AUTS2: variants seen among roughly 807,000 people sequenced by gnomAD.
AUTS2 encodes the protein autism susceptibility gene 2 protein.
AUTS2 carries 17 observed loss-of-function variants against 112.4 expected under a neutral mutation model. The observed-to-expected ratio is 0.15, with a 90% CI of 0.10 to 0.23. AUTS2 has a LOEUF of 0.23. Among genes scored for constraint, AUTS2 ranks in the 10% least tolerant of loss-of-function variants. AUTS2 has a pLI of 1.00. For synonymous variants in AUTS2, 751 were observed against 702.7 expected (o/e 1.07, Z -1.09); for missense variants, 1,510 against 1,701.6 (o/e 0.89, Z 1.98).
Position 69,611,428 on chromosome 7 carries a change from T to G in AUTS2, c.309+11466T>G, listed in dbSNP as rs141909375. Among the ~76,000 whole-genome samples the G allele has an allele frequency of 7.9e-5, 12 of 152,356 alleles. No individual in the cohort carries two copies. The East Asian group carries it at 2.3e-3, about 29-fold the overall frequency. On this transcript the variant is annotated intron_variant, in intron 1 of 18. Transcript: ENST00000342771. ...GCTGTGTTAGACACTTGTGTTGTTT[T>G]AAAATGTTTTATTACTCTAATATAG...
chr7:70,742,109 G>A (rs1275743875), intron 6 of AUTS2, among the ~76,000 whole-genome samples: 1 of 152,226 alleles, frequency 6.6e-6, no homozygotes, highest in Non-Finnish European at 1.5e-5. Context: ...TGCTTGATCA[G>A]TAAAGCATCT....
chr7:69,888,540 G>GATATATATATATATATATATATATATAT (rs60804022), intron 1 of AUTS2, among the ~76,000 whole-genome samples: 1 of 99,252 alleles, frequency 1.0e-5, no homozygotes. Context: ...CAACATTGGG[G>GATATATATATATATATATATATATATAT]ATATATATAT....
At chr7:69,904,395 A>T (rs896630233) in intron 2 of AUTS2, among the ~76,000 whole-genome samples, 3 of 152,236 alleles carry the variant, frequency 2.0e-5, no homozygotes, top group Non-Finnish European at 4.4e-5. Flanking sequence ...GTTTCTGAAG[A>T]TCTGCTAATT....
At chr7:70,460,413 C>T (rs1471996912) in intron 5 of AUTS2, among the ~76,000 whole-genome samples, 2 of 139,574 alleles carry the variant, frequency 1.4e-5, no homozygotes, top group South Asian at 4.5e-4. Flanking sequence ...TGCAATGGCA[C>T]GATCTTGGCT....
At chr7:70,428,232 T>G (rs1012888367) in intron 4 of AUTS2, among the ~76,000 whole-genome samples, 3 of 152,088 alleles carry the variant, frequency 2.0e-5, no homozygotes, top group Admixed American at 1.3e-4. Context: ...AAAACCAATA[T>G]GAGAGCAATG....
intron 4 of AUTS2, among the ~76,000 whole-genome samples, chr7:70,339,657 G>T (rs1007029435): frequency 1.3e-5 from 2 of 152,212 alleles, no homozygotes; most frequent in Non-Finnish European, 2.9e-5. Context: ...GAGGATCCAA[G>T]ATTTTCTTCA....
At chr7:70,311,915 C>T (rs1206477694) in intron 4 of AUTS2, among the ~76,000 whole-genome samples, 4 of 152,228 alleles carry the variant, frequency 2.6e-5, no homozygotes, top group Non-Finnish European at 4.4e-5. Flanking sequence ...GGGGTTTCAC[C>T]GTGTTAGCCA....
chr7:69,803,318 C>T (rs1409868916), intron 1 of AUTS2, among the ~76,000 whole-genome samples: 1 of 152,184 alleles, frequency 6.6e-6, no homozygotes, highest in Non-Finnish European at 1.5e-5. Flanking sequence ...TCACTTGTCA[C>T]ATGTGGTCAC....
At chr7:69,776,665 TGCCTCA>T (rs1345067050) in intron 1 of AUTS2, among the ~76,000 whole-genome samples, 1 of 152,184 alleles carries the variant, frequency 6.6e-6, no homozygotes, top group Non-Finnish European at 1.5e-5. Flanking sequence ...GTAGTCCTTC[TGCCTCA>T]GCCTCCCAAA....
At chr7:69,825,265 C>T (rs1791188639) in intron 1 of AUTS2, among the ~76,000 whole-genome samples, 1 of 152,066 alleles carries the variant, frequency 6.6e-6, no homozygotes, top group Non-Finnish European at 1.5e-5. Context: ...GGTTCTCAAC[C>T]CTGGGGTCAC....
intron 18 of AUTS2, among the ~76,000 whole-genome samples, chr7:70,787,696 G>A (rs754478211): frequency 4.6e-5 from 7 of 152,190 alleles, no homozygotes; most frequent in Non-Finnish European, 7.3e-5. Flanking sequence ...CCCTGTTAGC[G>A]TGTCCAAACA....
chr7:70,496,203 A>G (rs1162620091), intron 5 of AUTS2, among the ~76,000 whole-genome samples: 1 of 119,950 alleles, frequency 8.3e-6, no homozygotes, highest in African/African-American at 3.3e-5. Context: ...TGCACACGTC[A>G]CATCAGCATC....
At chr7:70,248,835 C>G (rs1813064527) in intron 4 of AUTS2, among the ~76,000 whole-genome samples, 1 of 152,110 alleles carries the variant, frequency 6.6e-6, no homozygotes, top group Non-Finnish European at 1.5e-5. Flanking sequence ...CACTTTAATT[C>G]CCATCAGTTT....
chr7:70,330,127 T>C (rs1257784349), intron 4 of AUTS2, among the ~76,000 whole-genome samples: 2 of 152,208 alleles, frequency 1.3e-5, no homozygotes, highest in East Asian at 1.9e-4. Flanking sequence ...ATTGAGAACA[T>C]AGCAAAGTCC....
chr7:70,317,816 C>T (rs987354155), intron 4 of AUTS2, among the ~76,000 whole-genome samples: 3 of 152,130 alleles, frequency 2.0e-5, no homozygotes, highest in African/African-American at 4.8e-5. Flanking sequence ...GACGTGTCTC[C>T]GTTGCTAAGT....
chr7:70,553,793 G>A (rs1483188267), intron 5 of AUTS2, among the ~76,000 whole-genome samples: 1 of 113,924 alleles, frequency 8.8e-6, no homozygotes, highest in Non-Finnish European at 1.7e-5. Context: ...TTGAGACGGA[G>A]TCTTGCTCTG....
At chr7:70,074,535 AC>A (rs996358166) in intron 2 of AUTS2, among the ~76,000 whole-genome samples, 3 of 151,712 alleles carry the variant, frequency 2.0e-5, no homozygotes, top group African/African-American at 7.3e-5. Flanking sequence ...CTCCTTAAAA[AC>A]CCTGTTTAAG....
chr7:70,146,322 TC>T (rs1807121807), intron 4 of AUTS2, among the ~76,000 whole-genome samples: 1 of 151,406 alleles, frequency 6.6e-6, no homozygotes, highest in South Asian at 2.1e-4. Context: ...GTGTTATTTT[TC>T]TACTGGGTGT....
chr7:69,848,602 G>A (rs1183633358), intron 1 of AUTS2, among the ~76,000 whole-genome samples: 1 of 152,190 alleles, frequency 6.6e-6, no homozygotes, highest in Non-Finnish European at 1.5e-5. Flanking sequence ...ATGAATTAGA[G>A]TGCCCCCAGG....
Sources: gnomAD v4.1 joint callset for allele counts (sites outside exome capture counted in the v4.1 genomes callset) on GRCh38, gnomAD v4.1.1 for gene constraint, MANE v1.5 for transcripts, NCBI Gene and HGNC (gene_info 2026-07-23, HGNC 2026-07-21) for gene names.